CEP112: variants seen among roughly 807,000 people sequenced by gnomAD.
CEP112 encodes centrosomal protein of 112 kDa.
A neutral mutation model predicts 153.0 loss-of-function variants in CEP112; 127 were observed. The ratio of observed to expected loss-of-function variants is 0.83; its 90% CI spans 0.72 to 0.96. CEP112 has a LOEUF of 0.96. Ranked by LOEUF, CEP112 falls within the 40% of genes least tolerant of loss-of-function variation. The pLI is 0.00. For missense variants in CEP112, 1,089 were observed against 1,101.2 expected, an observed-to-expected ratio of 0.99 and a Z score of 0.16; for synonymous variants, 358 against 374.4, an observed-to-expected ratio of 0.96 and a Z score of 0.51.
chr17:65,739,831 T>C (rs957692604), intron 23 of CEP112, among the ~76,000 whole-genome samples: 2 of 152,206 alleles, frequency 1.3e-5, no homozygotes, highest in Admixed American at 6.5e-5. Flanking sequence ...ACTTCATCTG[T>C]TGTTTCTTGG....
chr17:65,842,170 G>C (rs1048835525), intron 21 of CEP112, among the ~76,000 whole-genome samples: 1 of 151,918 alleles, frequency 6.6e-6, no homozygotes, highest in African/African-American at 2.4e-5. Context: ...ATTTTTAATG[G>C]TTCTATTAGA....
intron 18 of CEP112, among the ~76,000 whole-genome samples, chr17:65,937,523 A>G (rs1599074404): frequency 7.2e-6 from 1 of 138,222 alleles, no homozygotes; most frequent in Non-Finnish European, 1.6e-5. Context: ...CTGAGAAGTG[A>G]GGAGCCCCTC....
In CEP112 at chr17:65,961,519, A is replaced by T. The variant is rs756034059; in HGVS notation, c.1816T>A (p.Phe606Ile). ...GAGTTCAGTTCCACCTGCCGCTTAA[A>T]CTCTTCCAGAGCGGCATCTGCCTGC... Reference protein sequence around the residue: ...AQQADAALEEFKRQVELNSEK... With the variant: ...AQQADAALEEIKRQVELNSEK... Residue 606 changes from phenylalanine (F) to isoleucine (I), a missense_variant, in exon 18 of 27, where the codon TTT becomes ATT. By Grantham distance (21) the Phe-to-Ile change is conservative. Coordinates refer to ENST00000535342, the MANE Select transcript of CEP112 (RefSeq NM_001199165.4). 6.2e-7 allele frequency: 1 copy of T among 1,613,176 alleles called. No individual in the cohort carries two copies. The highest frequency in any genetic ancestry group is 1.1e-5 in the South Asian group (1 of 91,024).
intron 19 of CEP112, among the ~76,000 whole-genome samples, chr17:65,921,400 G>A (rs2060722577): frequency 6.6e-6 from 1 of 151,754 alleles, no homozygotes; most frequent in Non-Finnish European, 1.5e-5. Flanking sequence ...GAGTGGTCAG[G>A]GGAAACACTG....
intron 4 of CEP112, among the ~76,000 whole-genome samples, chr17:66,174,242 G>A (rs556775457): frequency 2.0e-5 from 3 of 152,192 alleles, no homozygotes; most frequent in East Asian, 1.9e-4. Context: ...TATCTTTTTC[G>A]ACCATAATAT....
At chr17:65,893,684 C>T (rs776560265) in intron 20 of CEP112, among the ~76,000 whole-genome samples, 2 of 152,072 alleles carry the variant, frequency 1.3e-5, no homozygotes, top group Non-Finnish European at 2.9e-5. Context: ...TTTCTGTACA[C>T]AAATATTACA....
chr17:66,070,123 G>A, intron 8 of CEP112, 122 bp from the exon 9 acceptor site: 3 of 610,392 alleles, frequency 4.9e-6, no homozygotes, highest in Non-Finnish European at 8.7e-6. Flanking sequence ...TTACCTTGTA[G>A]TCACAGATTC....
At chr17:65,871,200 T>TG (rs1440377100) in intron 20 of CEP112, among the ~76,000 whole-genome samples, 2 of 152,198 alleles carry the variant, frequency 1.3e-5, no homozygotes, top group African/African-American at 4.8e-5. Context: ...AGGAGAGTGC[T>TG]GCCCCCTGTG....
At chr17:65,955,397 C>G (rs554524579) in intron 18 of CEP112, among the ~76,000 whole-genome samples, 1 of 152,072 alleles carries the variant, frequency 6.6e-6, no homozygotes, top group East Asian at 1.9e-4. Context: ...CTAAATACAC[C>G]AAAGCATAAA....
chr17:65,650,730 TAAAA>T (rs71361240), intron 24 of CEP112, among the ~76,000 whole-genome samples: 2,005 of 44,074 alleles, frequency 0.045, 20 homozygotes, highest in Non-Finnish European at 0.063. Flanking sequence ...AACTCTCTAC[TAAAA>T]AAAAAAAAAA....
intron 20 of CEP112, among the ~76,000 whole-genome samples, chr17:65,898,759 G>A (rs1387862992): frequency 1.3e-5 from 2 of 152,110 alleles, no homozygotes; most frequent in Admixed American, 1.3e-4. Context: ...CACAATGGCT[G>A]CTGGTTACCC....
intron 2 of CEP112, among the ~76,000 whole-genome samples, chr17:66,180,118 G>A (rs1421715437): frequency 6.6e-6 from 1 of 151,992 alleles, no homozygotes; most frequent in African/African-American, 2.4e-5. Context: ...TTGCATTAAT[G>A]TTCATCAGGG....
At chr17:65,669,125 C>T (rs536375061) in intron 24 of CEP112, among the ~76,000 whole-genome samples, 8 of 152,290 alleles carry the variant, frequency 5.3e-5, no homozygotes, top group South Asian at 2.1e-4. Context: ...TTTGGGAGAG[C>T]GGCAGCTGGC....
At chr17:65,804,885 G>A (rs537109685) in intron 21 of CEP112, among the ~76,000 whole-genome samples, 34 of 150,102 alleles carry the variant, frequency 2.3e-4, no homozygotes, top group African/African-American at 7.1e-4. Flanking sequence ...TTTTTGAGAC[G>A]GGGTCTCACT....
At chr17:65,664,587 A>G (rs1310631087) in intron 24 of CEP112, among the ~76,000 whole-genome samples, 7 of 152,206 alleles carry the variant, frequency 4.6e-5, no homozygotes, top group African/African-American at 1.7e-4. Flanking sequence ...TGATGAATAC[A>G]ACTAAAGTGA....
chr17:65,948,327 G>A (rs2061708748), intron 18 of CEP112, among the ~76,000 whole-genome samples: 1 of 152,094 alleles, frequency 6.6e-6, no homozygotes, highest in Non-Finnish European at 1.5e-5. Context: ...ATATTTAGCA[G>A]CAAATAGCAT....
chr17:65,675,668 T>C (rs2047198680), intron 24 of CEP112, among the ~76,000 whole-genome samples: 1 of 151,878 alleles, frequency 6.6e-6, no homozygotes, highest in Non-Finnish European at 1.5e-5. Context: ...CTGAGAAACA[T>C]AGATGCAAAA....
intron 17 of CEP112, among the ~76,000 whole-genome samples, chr17:65,966,005 T>A (rs966063968): frequency 6.6e-6 from 1 of 150,566 alleles, no homozygotes; most frequent in African/African-American, 2.4e-5. Context: ...CAATAGTGCA[T>A]CCTGAAAGAA....
intron 4 of CEP112, among the ~76,000 whole-genome samples, chr17:66,163,602 A>C (rs916728913): frequency 6.6e-6 from 1 of 152,108 alleles, no homozygotes; most frequent in African/African-American, 2.4e-5. Flanking sequence ...GATGCTTAAC[A>C]AAACTAGAAA....
Sources: allele counts gnomAD v4.1 joint callset (sites outside exome capture counted in the v4.1 genomes callset), GRCh38; gene constraint gnomAD v4.1.1; transcripts MANE v1.5; gene names NCBI Gene and HGNC (gene_info 2026-07-23, HGNC 2026-07-21).